Variants in CELF2 observed in about 807,000 individuals in gnomAD.
CELF2 encodes CUG triplet repeat RNA-binding protein 2.
Under a neutral mutation model 62.6 loss-of-function variants are expected in CELF2, and 8 were observed. The ratio of observed to expected loss-of-function variants is 0.13; its 90% CI spans 0.07 to 0.23. CELF2 has a LOEUF of 0.23. Among genes scored for constraint, CELF2 ranks in the 10% least tolerant of loss-of-function variants. The pLI, the probability that CELF2 is intolerant of heterozygous loss-of-function variation, is 1.00. For missense variants in CELF2, 333 were observed against 671.0 expected, an observed-to-expected ratio of 0.50 and a Z score of 5.56; for synonymous variants, 258 against 250.0, an observed-to-expected ratio of 1.03 and a Z score of -0.30.
chr10:10,723,904 T>C, the CELF2 span, among the ~76,000 whole-genome samples: 1 of 152,204 alleles, frequency 6.6e-6, no homozygotes, highest in African/African-American at 2.4e-5. Context: ...GTAGGAAGAC[T>C]AAGGTTTTTT....
At chr10:11,002,268 G>A (rs1452370612), upstream of CELF2, among the ~76,000 whole-genome samples, 1 of 152,170 alleles carries the variant, frequency 6.6e-6, no homozygotes, top group Non-Finnish European at 1.5e-5. This position sits in a 1 kb window ranked among gnomAD's most constrained non-coding sequence, Gnocchi z 4.4. Flanking sequence ...ACAGAATGGG[G>A]AAAACCGCCC....
At chr10:10,567,407 A>G in the CELF2 span, among the ~76,000 whole-genome samples, 1 of 152,156 alleles carries the variant, frequency 6.6e-6, no homozygotes, top group Admixed American at 6.5e-5. Flanking sequence ...TCTAAACTAG[A>G]GATTCAAGTA....
intron 1 of CELF2, among the ~76,000 whole-genome samples, chr10:11,120,130 T>C (rs1159829957): frequency 1.3e-5 from 2 of 152,180 alleles, no homozygotes; most frequent in African/African-American, 2.4e-5. Context: ...GCATGTCGTG[T>C]GTGTCAAGCA....
At chr10:11,021,699 C>A (rs568260038) in intron 1 of CELF2, among the ~76,000 whole-genome samples, 25 of 152,162 alleles carry the variant, frequency 1.6e-4, no homozygotes, top group Non-Finnish European at 3.4e-4. Flanking sequence ...TTGCCCCTGC[C>A]ACATAGGCAG....
intron 1 of CELF2, among the ~76,000 whole-genome samples, chr10:10,844,331 A>C (rs936599158): frequency 2.6e-5 from 4 of 152,082 alleles, no homozygotes; most frequent in African/African-American, 7.2e-5. Flanking sequence ...CATGTGAGCC[A>C]GAGTGTTGAG....
the CELF2 span, among the ~76,000 whole-genome samples, chr10:10,467,925 A>G: frequency 6.6e-6 from 1 of 152,248 alleles, no homozygotes; most frequent in East Asian, 1.9e-4. Flanking sequence ...GACTTTTATA[A>G]GAAATGATAC....
At chr10:10,591,451 TA>T in the CELF2 span, among the ~76,000 whole-genome samples, 1 of 152,118 alleles carries the variant, frequency 6.6e-6, no homozygotes, top group Non-Finnish European at 1.5e-5. Flanking sequence ...TACATACATA[TA>T]GATGTATACA....
At chr10:10,696,499 G>A in the CELF2 span, among the ~76,000 whole-genome samples, 309 of 150,560 alleles carry the variant, frequency 2.1e-3, 1 homozygote, top group African/African-American at 2.3e-3. Context: ...TACAGAGGCA[G>A]GCAGGCCTCC....
the CELF2 span, among the ~76,000 whole-genome samples, chr10:10,767,642 C>T: frequency 8.5e-4 from 129 of 152,206 alleles, no homozygotes; most frequent in African/African-American, 2.9e-3. Context: ...GATTATCTCC[C>T]AAGGGGCCAT....
At chr10:11,169,447 C>T (rs2068174556) in intron 2 of CELF2, among the ~76,000 whole-genome samples, 1 of 152,128 alleles carries the variant, frequency 6.6e-6, no homozygotes, top group African/African-American at 2.4e-5. Flanking sequence ...TGATGGTGAA[C>T]ATTACAAATG....
In CELF2 at chr10:11,319,041, A is replaced by G. The variant is rs1376089165; in HGVS notation, c.1097-2148A>G. On this transcript the variant is annotated intron_variant, in intron 10 of 12. Coordinates refer to ENST00000633077, the MANE Select transcript of CELF2 (RefSeq NM_001326342.2). This position sits in a 1 kb window ranked among gnomAD's most constrained non-coding sequence, Gnocchi z 4.4. Reference sequence around the variant, plus strand: ...TCCTCGTCTGGCAGCAAGGCCCCACATGGCTCTGCAGGCTGCGAGGCACAC... The same window carrying G: ...TCCTCGTCTGGCAGCAAGGCCCCACGTGGCTCTGCAGGCTGCGAGGCACAC... 2 of 470,884 alleles carry G rather than the reference A, an allele frequency of 4.2e-6. No individual in the cohort carries two copies. Among genetic ancestry groups the G allele is most frequent in the African/African-American group, 2.0e-5 (1 of 50,084 alleles). The allele number at this position is 470,884 out of a possible 1,614,324, so 29.2% of individuals were successfully genotyped here. A position where few individuals can be genotyped will look rare whatever the true frequency, so the allele number is the denominator to read the frequency against.
At chr10:11,133,149 A>T (rs1157432955) in intron 1 of CELF2, among the ~76,000 whole-genome samples, 1 of 152,236 alleles carries the variant, frequency 6.6e-6, no homozygotes, top group African/African-American at 2.4e-5. Context: ...CAGGAAACAT[A>T]AAAGTCTAGG....
At chr10:11,062,974 G>A (rs1377254533) in intron 1 of CELF2, among the ~76,000 whole-genome samples, 2 of 152,090 alleles carry the variant, frequency 1.3e-5, no homozygotes, top group Admixed American at 6.5e-5. Context: ...CATCAGCATC[G>A]AGGCAGGACC....
intron 2 of CELF2, among the ~76,000 whole-genome samples, chr10:11,203,972 T>C (rs1466806971): frequency 2.6e-5 from 4 of 152,178 alleles, no homozygotes; most frequent in African/African-American, 9.7e-5. Context: ...AGGATGAAGC[T>C]CAGAGGCTGA....
At chr10:10,466,679 A>G in the CELF2 span, among the ~76,000 whole-genome samples, 1 of 152,112 alleles carries the variant, frequency 6.6e-6, no homozygotes, top group Non-Finnish European at 1.5e-5. Context: ...AATGTTGGAG[A>G]ATTCCAGTTG....
the CELF2 span, among the ~76,000 whole-genome samples, chr10:10,480,148 G>A: frequency 6.6e-6 from 1 of 152,110 alleles, no homozygotes; most frequent in African/African-American, 2.4e-5. Flanking sequence ...CTATTTAGAA[G>A]CAGAATCTTT....
intron 1 of CELF2, among the ~76,000 whole-genome samples, chr10:11,079,742 C>CG (rs199702101): frequency 0.16 from 8,701 of 54,360 alleles, 475 homozygotes; most frequent in African/African-American, 0.38. Context: ...ACTAATACAG[C>CG]CCCCCCCCCC....
chr10:10,536,416 C>T, the CELF2 span, among the ~76,000 whole-genome samples: 1 of 152,164 alleles, frequency 6.6e-6, no homozygotes, highest in African/African-American at 2.4e-5. Context: ...CATAAATACC[C>T]CTAATGCTTT....
chr10:10,824,903 C>T (rs2057261880), intron 1 of CELF2, among the ~76,000 whole-genome samples: 1 of 152,204 alleles, frequency 6.6e-6, no homozygotes, highest in Admixed American at 6.5e-5. Flanking sequence ...AGGAAAAGAA[C>T]ATGGACCTGG....
Sources: allele counts gnomAD v4.1 joint callset (sites outside exome capture counted in the v4.1 genomes callset), GRCh38; gene constraint gnomAD v4.1.1; non-coding constraint Gnocchi (gnomAD v3.1); transcripts MANE v1.5; gene names NCBI Gene and HGNC (gene_info 2026-07-23, HGNC 2026-07-21).